MPDZ: variants seen among roughly 807,000 people sequenced by gnomAD.
MPDZ encodes multiple PDZ domain protein.
Under a neutral mutation model 239.1 loss-of-function variants are expected in MPDZ, and 234 were observed. That is an observed-to-expected ratio of 0.98 (90% CI 0.88 to 1.09). MPDZ has a LOEUF of 1.09. MPDZ is among the 50% of genes least tolerant of loss of function. MPDZ has a pLI of 0.00. For missense variants in MPDZ, 3,175 were observed against 2,510.0 expected, an observed-to-expected ratio of 1.26 and a Z score of -5.66; for synonymous variants, 1,048 against 881.3, an observed-to-expected ratio of 1.19 and a Z score of -3.35.
At position 13,175,704 on chromosome 9, in the gene MPDZ, T is replaced by C. The variant is rs1269401256; in HGVS notation, c.3055+48A>G. 2.0e-6 allele frequency: 3 copies of C among 1,493,764 alleles called. No homozygotes were observed. In the Admixed American group the frequency reaches 6.6e-5, roughly 33 times the overall value. The allele number at this position is 1,493,764 out of a possible 1,614,324, so 92.5% of individuals were successfully genotyped here. Reference sequence around the variant, plus strand: ...ATTTACCATGTTCAATATTTCCCCTTGTCAAGGGGGTTGAGGAGTAGGTAT... The same window carrying C: ...ATTTACCATGTTCAATATTTCCCCTCGTCAAGGGGGTTGAGGAGTAGGTAT... On this transcript the variant is annotated intron_variant, in intron 21 of 46. Coordinates refer to ENST00000319217, the MANE Select transcript of MPDZ (RefSeq NM_001378778.1).
chr9:13,126,071 T>C (rs1945064620), intron 34 of MPDZ, among the ~76,000 whole-genome samples: 1 of 152,148 alleles, frequency 6.6e-6, no homozygotes, highest in South Asian at 2.1e-4. Context: ...AAATAAGTAT[T>C]AAGATCTCTT....
chr9:13,191,959 C>T (rs1255652052), intron 15 of MPDZ, among the ~76,000 whole-genome samples, 172 bp downstream of exon 15: 6 of 152,132 alleles, frequency 3.9e-5, no homozygotes, highest in Non-Finnish European at 8.8e-5. Context: ...TTTCCCACAG[C>T]TAGTGTCAAG....
intron 22 of MPDZ, among the ~76,000 whole-genome samples, chr9:13,164,685 G>A (rs983699534): frequency 4.6e-5 from 7 of 152,044 alleles, no homozygotes; most frequent in African/African-American, 1.7e-4. Context: ...TTACCGAAAG[G>A]TGAGGAGTGT....
intron 3 of MPDZ, among the ~76,000 whole-genome samples, chr9:13,225,530 G>A (rs978973457): frequency 6.6e-6 from 1 of 151,676 alleles, no homozygotes; most frequent in South Asian, 2.1e-4. Context: ...AGTCCTGCAG[G>A]CTCCATTCAT....
intron 10 of MPDZ, among the ~76,000 whole-genome samples, chr9:13,207,205 T>C (rs1957102269): frequency 3.9e-5 from 6 of 152,298 alleles, no homozygotes; most frequent in South Asian, 2.1e-4. Flanking sequence ...GATTTTCCCC[T>C]TTTCACAAAT....
chr9:13,250,403 T>G (rs1967627152), intron 1 of MPDZ, 31 bp from the exon 2 acceptor site: 1 of 1,178,040 alleles, frequency 8.5e-7, no homozygotes. Context: ...ATGGTTATGT[T>G]TTATCAGAAC....
At chr9:13,126,377 C>T (rs1945115937) in intron 34 of MPDZ, 139 bp downstream of exon 34, 1 of 527,262 alleles carries the variant, frequency 1.9e-6, no homozygotes, top group Admixed American at 3.9e-5. Flanking sequence ...TGAAGAACTT[C>T]TGAACAATCT....
At chr9:13,148,150 A>C (rs531297611) in intron 25 of MPDZ, among the ~76,000 whole-genome samples, 1 of 152,194 alleles carries the variant, frequency 6.6e-6, no homozygotes, top group Non-Finnish European at 1.5e-5. Context: ...AAATCAGATA[A>C]TGGTAAGGTT....
Position 13,119,502 on chromosome 9 carries a change from C to T in MPDZ, c.5379G>A (p.Lys1793=), listed in dbSNP as rs866183007. 8.1e-6 allele frequency: 13 copies of T among 1,605,758 alleles called. No homozygotes were observed. In the Middle Eastern group the frequency reaches 8.3e-4, roughly 103 times the overall value. The change falls in exon 39 of 47, where the codon AAG becomes AAA. Residue 1793 remains lysine (K), a splice_region_variant and synonymous_variant. Transcript: ENST00000319217. ...ATQEAVAALL[K]CSLGTVTLEV... is the part of the protein sequence containing the mutation. ...CAGAATTATTTTTTGCATTTTTTAC[C>T]TTTAGCAAAGCGGCAACCGCTTCTT...
chr9:13,118,506 C>G (rs1407654559), intron 39 of MPDZ, among the ~76,000 whole-genome samples: 1 of 152,202 alleles, frequency 6.6e-6, no homozygotes, highest in Non-Finnish European at 1.5e-5. Flanking sequence ...AGCTCTACTG[C>G]TGCTGAGCAC....
intron 41 of MPDZ, 26 bp from the exon 42 acceptor site, chr9:13,113,080 G>A (rs369015690): frequency 2.6e-6 from 4 of 1,533,464 alleles, no homozygotes; most frequent in East Asian, 2.3e-5. Flanking sequence ...AGATAAAATA[G>A]GGTTATTTTA....
chr9:13,256,611 C>T (rs370938686), intron 1 of MPDZ, among the ~76,000 whole-genome samples: 7 of 152,110 alleles, frequency 4.6e-5, no homozygotes, highest in South Asian at 2.1e-4. Context: ...AAAAAGAATG[C>T]GAACGGCCCG....
chr9:13,194,009 T>C (rs796091128), intron 13 of MPDZ, among the ~76,000 whole-genome samples: 1 of 152,190 alleles, frequency 6.6e-6, no homozygotes, highest in Non-Finnish European at 1.5e-5. Context: ...TCACCTGACT[T>C]TGAAATCTAA....
chr9:13,113,973 T>G lies in MPDZ; in HGVS notation c.5515A>C (p.Ser1839Arg). The G allele has an allele frequency of 6.3e-7, 1 of 1,599,212 alleles. No individual in the cohort carries two copies. The highest frequency in any genetic ancestry group is 8.5e-7 in the Non-Finnish European group (1 of 1,172,340). Residue 1839 changes from serine (S) to arginine (R), a missense_variant, in exon 41 of 47, where the codon AGT becomes CGT. Ser to Arg is a moderately radical substitution (Grantham distance 110). Coordinates refer to ENST00000319217, the MANE Select transcript of MPDZ (RefSeq NM_001378778.1). The stretch of plus-strand genomic sequence containing the variant: ...CTACTTTCCAGTGACTCAGATGTAC[T>G]GGATCCAGAGAGTGGAAAAGTGAAA... ...SSFTFPLSGS[S>R]TSESLESSSK...
At chr9:13,243,358 T>G (rs1217006309) in intron 3 of MPDZ, among the ~76,000 whole-genome samples, 1 of 151,776 alleles carries the variant, frequency 6.6e-6, no homozygotes, top group African/African-American at 2.4e-5. Flanking sequence ...CCTTCAGTTC[T>G]ATCTCTTTTT....
chr9:13,168,310 G>A, intron 22 of MPDZ, 56 bp downstream of exon 22: 1 of 1,497,368 alleles, frequency 6.7e-7, no homozygotes, highest in Non-Finnish European at 9.3e-7. Context: ...AAAGAATTCT[G>A]ATTAATTGAA....
At chr9:13,196,265 C>A in intron 12 of MPDZ, 35 bp from the exon 13 acceptor site, 1 of 1,404,042 alleles carries the variant, frequency 7.1e-7, no homozygotes, top group Non-Finnish European at 9.9e-7. Flanking sequence ...TAGCAGCAAA[C>A]TACAGAAATC....
intron 20 of MPDZ, 126 bp from the exon 21 acceptor site, chr9:13,176,001 C>A: frequency 7.1e-7 from 1 of 1,412,588 alleles, no homozygotes; most frequent in Non-Finnish European, 9.4e-7. Flanking sequence ...GCAACCAAAA[C>A]AAGTTCATAG....
At chr9:13,161,880 T>A (rs984531448) in intron 23 of MPDZ, among the ~76,000 whole-genome samples, 2 of 152,200 alleles carry the variant, frequency 1.3e-5, no homozygotes, top group African/African-American at 4.8e-5. Flanking sequence ...ATCAAGTGCC[T>A]TTAAAAAGCC....
Sources: allele counts gnomAD v4.1 joint callset (sites outside exome capture counted in the v4.1 genomes callset), GRCh38; gene constraint gnomAD v4.1.1; transcripts MANE v1.5; gene names NCBI Gene and HGNC (gene_info 2026-07-23, HGNC 2026-07-21).